The following SOX6 variants were observed in gnomAD, a reference collection of about 807,000 sequenced individuals.
SOX6 encodes transcription factor SOX-6.
SOX6 carries 11 observed loss-of-function variants against 97.8 expected under a neutral mutation model. The ratio of observed to expected loss-of-function variants is 0.11; its 90% CI spans 0.07 to 0.19. The LOEUF (loss-of-function observed/expected upper bound fraction) is 0.19. Ranked by LOEUF, SOX6 falls within the 10% of genes least tolerant of loss-of-function variation. The pLI, the probability that SOX6 is intolerant of heterozygous loss-of-function variation, is 1.00. For missense variants in SOX6, 810 were observed against 1,039.5 expected (o/e 0.78, Z 3.04); for synonymous variants, 360 against 371.4 (o/e 0.97, Z 0.35).
chr11:16,060,996 T>C (rs1463926816), intron 9 of SOX6, among the ~76,000 whole-genome samples: 1 of 151,742 alleles, frequency 6.6e-6, no homozygotes, highest in African/African-American at 2.4e-5. Flanking sequence ...TACAAAATCA[T>C]TGCATATTAG....
chr11:16,144,008 G>C (rs1850221393), intron 6 of SOX6, among the ~76,000 whole-genome samples: 1 of 152,142 alleles, frequency 6.6e-6, no homozygotes, highest in South Asian at 2.1e-4. Flanking sequence ...GGACCTAATA[G>C]ACATATACAG....
At chr11:16,575,212 C>A (rs1847971254) in intron 4 of SOX6, among the ~76,000 whole-genome samples, 1 of 152,126 alleles carries the variant, frequency 6.6e-6, no homozygotes, top group East Asian at 1.9e-4. Context: ...ATTTAATACT[C>A]AGCAGACTGG....
Position 16,168,212 on chromosome 11 carries a change from G to T in SOX6, c.777+15674C>A, listed in dbSNP as rs1484212114. 3.9e-5 allele frequency among the ~76,000 whole-genome samples: 6 copies of T among 152,234 alleles called. No individual in the cohort carries two copies. In the East Asian group the frequency reaches 1.2e-3, roughly 29 times the overall value. On this transcript the variant is annotated intron_variant, in intron 6 of 15. Coordinates refer to ENST00000683767, the MANE Select transcript of SOX6 (RefSeq NM_001367873.1). ...CTAATGTGATAAGAGGTATTTTGAG[G>T]TAAATTAGACTAGAATTGGCAATTC... is the stretch of plus-strand genomic sequence containing the variant.
intron 6 of SOX6, among the ~76,000 whole-genome samples, chr11:16,116,154 TC>T (rs1166632102): frequency 5.3e-5 from 8 of 152,294 alleles, no homozygotes; most frequent in African/African-American, 1.9e-4. Flanking sequence ...GATTAAAAGT[TC>T]TTCTTATGTC....
At chr11:16,608,392 G>T (rs1848360297) in intron 4 of SOX6, among the ~76,000 whole-genome samples, 1 of 152,018 alleles carries the variant, frequency 6.6e-6, no homozygotes, top group African/African-American at 2.4e-5. Context: ...AACGGAGAAG[G>T]GGAAGGACAG....
intron 6 of SOX6, among the ~76,000 whole-genome samples, chr11:16,156,606 T>C (rs185742276): frequency 3.9e-5 from 6 of 152,022 alleles, no homozygotes; most frequent in African/African-American, 1.2e-4. Context: ...TGTATTTACA[T>C]GATCTGTCCA....
chr11:16,265,449 C>G (rs986731622), intron 3 of SOX6, among the ~76,000 whole-genome samples: 1 of 151,748 alleles, frequency 6.6e-6, no homozygotes. Context: ...CCTAAAGGAT[C>G]AAACTGTTTC....
At chr11:16,472,415 C>T (rs1037993162) in intron 1 of SOX6, among the ~76,000 whole-genome samples, 8 of 152,302 alleles carry the variant, frequency 5.3e-5, no homozygotes, top group African/African-American at 1.9e-4. Flanking sequence ...CCTGTTTTCA[C>T]AAAGAGCCCT....
In SOX6 at chr11:16,050,020, C is replaced by T. The variant is rs549088221; in HGVS notation, c.1252-82G>A. 4 of 1,399,926 alleles carry T rather than the reference C, an allele frequency of 2.9e-6. No homozygotes were observed. In the South Asian group the frequency reaches 4.6e-5, roughly 16 times the overall value. The allele number at this position is 1,399,926 out of a possible 1,614,324, so 86.7% of individuals were successfully genotyped here. On this transcript the variant is annotated intron_variant, in intron 10 of 15. Coordinates refer to ENST00000683767, the MANE Select transcript of SOX6 (RefSeq NM_001367873.1). ...CACTTAGTAAGCCACAGTTATTTTACACCTCAGAGACAATGCCACATTCTC... is the reference window on the plus strand; with the variant it reads ...CACTTAGTAAGCCACAGTTATTTTATACCTCAGAGACAATGCCACATTCTC...
At chr11:16,358,913 C>G (rs1338058163), upstream of SOX6, among the ~76,000 whole-genome samples, 2 of 152,116 alleles carry the variant, frequency 1.3e-5, no homozygotes, top group African/African-American at 2.4e-5. Context: ...TTTTATTTAG[C>G]CTACAAATAT....
At chr11:16,204,740 A>T (rs563142946) in intron 4 of SOX6, among the ~76,000 whole-genome samples, 144 of 152,222 alleles carry the variant, frequency 9.5e-4, no homozygotes, top group African/African-American at 3.4e-3. Context: ...GAGTACACTT[A>T]TTCAAACAAT....
At chr11:16,372,815 A>C (rs1458262990) in intron 1 of SOX6, among the ~76,000 whole-genome samples, 3 of 152,148 alleles carry the variant, frequency 2.0e-5, no homozygotes, top group African/African-American at 7.2e-5. Flanking sequence ...AACAACTGGA[A>C]CTGAAAGATC....
chr11:16,296,888 C>T (rs1183412408), intron 3 of SOX6, among the ~76,000 whole-genome samples: 1 of 151,866 alleles, frequency 6.6e-6, no homozygotes, highest in Non-Finnish European at 1.5e-5. Flanking sequence ...GTGGAATCTT[C>T]AGAGGATAAG....
chr11:16,135,081 C>T (rs576991094), intron 6 of SOX6, among the ~76,000 whole-genome samples: 2 of 152,220 alleles, frequency 1.3e-5, no homozygotes, highest in East Asian at 3.9e-4. Context: ...AGTGGAAGAA[C>T]AAAGCCTGGA....
intron 1 of SOX6, among the ~76,000 whole-genome samples, chr11:16,430,142 A>G (rs1387605459): frequency 1.3e-5 from 2 of 152,120 alleles, no homozygotes; most frequent in Non-Finnish European, 2.9e-5. Context: ...GGAAATTTGC[A>G]TATATTCTTT....
At chr11:16,215,298 G>C (rs554321535) in intron 4 of SOX6, among the ~76,000 whole-genome samples, 1 of 152,264 alleles carries the variant, frequency 6.6e-6, no homozygotes, top group African/African-American at 2.4e-5. Flanking sequence ...TGAGATAAAG[G>C]CTATGGGAAT....
At chr11:16,080,840 T>C (rs1848457453) in intron 9 of SOX6, among the ~76,000 whole-genome samples, 3 of 152,256 alleles carry the variant, frequency 2.0e-5, no homozygotes, top group Middle Eastern at 3.4e-3. Flanking sequence ...TTACTCACAG[T>C]GAAGCCCCAG....
intron 4 of SOX6, among the ~76,000 whole-genome samples, chr11:16,232,278 T>C (rs1350624652): frequency 1.3e-5 from 2 of 151,998 alleles, no homozygotes; most frequent in South Asian, 2.1e-4. Context: ...CTATTTTAAC[T>C]GATTTTTTCA....
intron 3 of SOX6, 94 bp from the exon 4 acceptor site, chr11:16,234,765 A>AGCTGTTT: frequency 1.4e-6 from 1 of 702,586 alleles, no homozygotes; most frequent in South Asian, 2.1e-5. Context: ...GAATGCATAA[A>AGCTGTTT]GCTGTTTTTG....
Sources: gnomAD v4.1 joint callset for allele counts (sites outside exome capture counted in the v4.1 genomes callset) on GRCh38, gnomAD v4.1.1 for gene constraint, MANE v1.5 for transcripts, NCBI Gene and HGNC (gene_info 2026-07-23, HGNC 2026-07-21) for gene names.